The following COG3 variants were observed in gnomAD, a reference collection of about 807,000 sequenced individuals.
COG3 encodes component of oligomeric golgi complex 3, also known as conserved oligomeric Golgi complex subunit 3.
In COG3, 32 loss-of-function variants were observed where a neutral mutation model predicts 114.1. That is an observed-to-expected ratio of 0.28 (90% CI 0.21 to 0.38). The LOEUF is 0.38. Among genes scored for constraint, COG3 ranks in the 10% least tolerant of loss-of-function variants. The pLI is 1.00. For synonymous variants in COG3, 352 were observed against 365.7 expected, an observed-to-expected ratio of 0.96 and a Z score of 0.43; for missense variants, 813 against 973.2, an observed-to-expected ratio of 0.84 and a Z score of 2.19.
Position 45,516,267 on chromosome 13 carries a change from CT to C in COG3, c.1930+7del, listed in dbSNP as rs753365512. The C allele has an allele frequency of 2.3e-5, 36 of 1,580,686 alleles. No homozygotes were observed. The highest frequency in any genetic ancestry group is 3.1e-5 in the Non-Finnish European group (36 of 1,158,452). ...CTGGACCTCAAGAAAACTAGAGGTA[CT>C]TTGCTGTCCTGGCTGGCACACTTGG... On this transcript the variant is annotated splice_donor_5th_base_variant and intron_variant, in intron 17 of 22. Transcript: ENST00000349995.
In COG3 at chr13:45,535,442, T is replaced by G. The variant is rs1873486655; in HGVS notation, c.*711T>G. ...CTCATCATAGATACGTGCAGTATCT[T>G]TAATGAGTATCTTCATGGTATGATA... On this transcript the variant is annotated 3_prime_UTR_variant, in exon 23 of 23. Coordinates refer to ENST00000349995, the MANE Select transcript of COG3 (RefSeq NM_031431.4). 1.0e-6 allele frequency: 1 copy of G among 985,276 alleles called. No homozygotes were observed. The highest frequency in any genetic ancestry group is 1.2e-6 in the Non-Finnish European group (1 of 829,890). The allele number at this position is 985,276 out of a possible 1,614,324, so 61.0% of individuals were successfully genotyped here. A position where few individuals can be genotyped will look rare whatever the true frequency, so the allele number is the denominator to read the frequency against.
At chr13:45,514,336 T>A (rs532929645) in intron 16 of COG3, among the ~76,000 whole-genome samples, 2 of 152,146 alleles carry the variant, frequency 1.3e-5, no homozygotes, top group East Asian at 3.9e-4. Flanking sequence ...AATTTTTGCA[T>A]TTGTAGTAGA....
At chr13:45,529,732 A>G in intron 20 of COG3, 59 bp from the exon 21 acceptor site, 1 of 1,358,612 alleles carries the variant, frequency 7.4e-7, no homozygotes, top group East Asian at 2.4e-5. Flanking sequence ...CTTTGAATTA[A>G]AATGGAAATA....
chr13:45,516,736 G>A (rs1433295270), intron 17 of COG3, among the ~76,000 whole-genome samples: 3 of 152,142 alleles, frequency 2.0e-5, no homozygotes, highest in African/African-American at 7.2e-5. Context: ...GTGATCTTGG[G>A]TGGGTGTTTT....
intron 1 of COG3, among the ~76,000 whole-genome samples, 197 bp from the exon 2 acceptor site, chr13:45,476,004 G>T (rs929949546): frequency 6.6e-6 from 1 of 151,648 alleles, no homozygotes; most frequent in African/African-American, 2.4e-5. Flanking sequence ...GGACATCAGT[G>T]TCATGTTTAT....
At chr13:45,534,052 A>G (rs990515361) in intron 22 of COG3, among the ~76,000 whole-genome samples, 4 of 152,130 alleles carry the variant, frequency 2.6e-5, no homozygotes, top group African/African-American at 9.7e-5. Flanking sequence ...TCCTATCACT[A>G]CTGTGACCCG....
chr13:45,477,305 C>T (rs1425433432), intron 2 of COG3, among the ~76,000 whole-genome samples: 1 of 152,002 alleles, frequency 6.6e-6, no homozygotes, highest in African/African-American at 2.4e-5. Context: ...CATCTGTGAA[C>T]TTGTTTGGCC....
rs1252723468 is a variant in COG3, at chr13:45,530,784, A to G, written c.2457+4A>G. Reference sequence around the variant, plus strand: ...TGCCTGTCCATCTATGGAACAGGTAATGGGTAGACTGAAGATCCTTATTAC... The same window carrying G: ...TGCCTGTCCATCTATGGAACAGGTAGTGGGTAGACTGAAGATCCTTATTAC... On this transcript the variant is annotated splice_donor_region_variant and intron_variant, in intron 22 of 22. Coordinates refer to ENST00000349995, the MANE Select transcript of COG3 (RefSeq NM_031431.4). 6.2e-7 allele frequency: 1 copy of G among 1,609,584 alleles called. No individual in the cohort carries two copies. Among genetic ancestry groups the G allele is most frequent in the African/African-American group, 1.3e-5 (1 of 74,956 alleles).
At chr13:45,522,230 T>C (rs1390361631) in intron 19 of COG3, among the ~76,000 whole-genome samples, 1 of 152,040 alleles carries the variant, frequency 6.6e-6, no homozygotes, top group African/African-American at 2.4e-5. Flanking sequence ...GTATTTATCA[T>C]TTGGGTGTAA....
chr13:45,528,681 G>T (rs1266358489), intron 20 of COG3, among the ~76,000 whole-genome samples: 3 of 152,036 alleles, frequency 2.0e-5, no homozygotes, highest in African/African-American at 7.2e-5. Context: ...TATACCCCTT[G>T]CTATTTCACT....
chr13:45,529,819 A>G lies in COG3; in HGVS notation c.2259A>G (p.Ala753=), dbSNP rs1873010281. The part of the protein sequence containing the change: ...PAKVNDLAAT[A]YKTIKTKLPV... ...AGGTCAATGACCTTGCGGCAACTGC[A>G]TATAAGACAATAAAAACAAAGCTGC... Residue 753 remains alanine (A), a synonymous_variant, in exon 21 of 23, where the codon GCA becomes GCG. Transcript: ENST00000349995. The G allele has an allele frequency of 6.2e-7, 1 of 1,613,298 alleles. No individual in the cohort carries two copies. The highest frequency in any genetic ancestry group is 1.3e-5 in the African/African-American group (1 of 74,916).
chr13:45,488,513 A>T (rs1174678095), intron 8 of COG3, among the ~76,000 whole-genome samples: 1 of 152,170 alleles, frequency 6.6e-6, no homozygotes, highest in Non-Finnish European at 1.5e-5. Flanking sequence ...ATGTATTAAT[A>T]AAAAAGATTA....
chr13:45,530,903 T>C, intron 22 of COG3, 123 bp downstream of exon 22: 1 of 1,339,918 alleles, frequency 7.5e-7, no homozygotes, highest in Non-Finnish European at 9.7e-7. Context: ...CTTCTTTTAT[T>C]CTGATGAGTA....
In COG3 at chr13:45,525,213, G is replaced by A. The variant is rs77585897; in HGVS notation, c.2230+162G>A. On this transcript the variant is annotated intron_variant, in intron 20 of 22. Transcript: ENST00000349995. ...ATTTGGAGCTGACAGGTCTTAATTG[G>A]TTAGCACTACTTGCATTTCAGCAAG... Among the ~76,000 whole-genome samples the A allele has an allele frequency of 8.2e-4, 125 of 152,214 alleles. 2 individuals are homozygous for A. The East Asian group carries it at 0.016, about 20-fold the overall frequency.
At chr13:45,526,698 C>T (rs1364143198) in intron 20 of COG3, among the ~76,000 whole-genome samples, 1 of 152,108 alleles carries the variant, frequency 6.6e-6, no homozygotes, top group Admixed American at 6.5e-5. Context: ...TTGTGAAAAA[C>T]GTTGTGTGTG....
chr13:45,492,139 T>C lies in COG3; in HGVS notation c.1096-20T>C. On this transcript the variant is annotated intron_variant, in intron 10 of 22. Coordinates refer to ENST00000349995, the MANE Select transcript of COG3 (RefSeq NM_031431.4). ...GTTGTGTGTCTTTAACTGTAGGTGG[T>C]GTGTGTTTGTTTACTGCAGGTTCGT... 2 of 1,454,234 alleles carry C rather than the reference T, an allele frequency of 1.4e-6. No homozygotes were observed. Among genetic ancestry groups the C allele is most frequent in the Non-Finnish European group, 1.9e-6 (2 of 1,043,592 alleles). The allele number at this position is 1,454,234 out of a possible 1,614,324, so 90.1% of individuals were successfully genotyped here.
chr13:45,533,230 T>C (rs1290796226), intron 22 of COG3, among the ~76,000 whole-genome samples: 1 of 152,038 alleles, frequency 6.6e-6, no homozygotes, highest in Non-Finnish European at 1.5e-5. Flanking sequence ...ATTTTTTTTT[T>C]CTCCAGTTAT....
chr13:45,518,728 A>C, intron 17 of COG3, 34 bp from the exon 18 acceptor site: 1 of 1,525,902 alleles, frequency 6.6e-7, no homozygotes, highest in Non-Finnish European at 9.0e-7. Flanking sequence ...TTGAAACTTT[A>C]CATGTTCACT....
chr13:45,496,000 C>A, intron 12 of COG3, 152 bp from the exon 13 acceptor site: 2 of 556,174 alleles, frequency 3.6e-6, no homozygotes, highest in Non-Finnish European at 5.9e-6. Flanking sequence ...CTTTTCCAAG[C>A]TCATTGAGTC....
Sources: gnomAD v4.1 joint callset for allele counts (sites outside exome capture counted in the v4.1 genomes callset) on GRCh38, gnomAD v4.1.1 for gene constraint, MANE v1.5 for transcripts, NCBI Gene and HGNC (gene_info 2026-07-23, HGNC 2026-07-21) for gene names.